Variants in SIPA1L2 observed in about 807,000 individuals in gnomAD.
The protein encoded by SIPA1L2 is signal-induced proliferation-associated 1-like protein 2.
In SIPA1L2, 56 loss-of-function variants were observed where a neutral mutation model predicts 163.9. The ratio of observed to expected loss-of-function variants is 0.34; its 90% CI spans 0.28 to 0.43. The LOEUF is 0.43. Among genes scored for constraint, SIPA1L2 ranks in the 20% least tolerant of loss-of-function variants. The probability of loss-of-function intolerance (pLI) is 1.00; values close to 1 mark genes in which losing one functional copy is unlikely to be tolerated. For synonymous variants in SIPA1L2, 877 were observed against 865.7 expected (o/e 1.01, Z -0.23); for missense variants, 1,974 against 2,193.5 (o/e 0.90, Z 2.00).
chr1:232,425,165 G>A (rs1661813254), intron 18 of SIPA1L2, among the ~76,000 whole-genome samples: 1 of 152,238 alleles, frequency 6.6e-6, no homozygotes, highest in East Asian at 1.9e-4. Flanking sequence ...CCATCTCCAG[G>A]TACTGAACTG....
chr1:232,572,285 A>G (rs1228765337), intron 2 of SIPA1L2, among the ~76,000 whole-genome samples: 1 of 152,200 alleles, frequency 6.6e-6, no homozygotes, highest in African/African-American at 2.4e-5. Context: ...AGGAACTGGG[A>G]GGGACAAGGG....
intron 2 of SIPA1L2, among the ~76,000 whole-genome samples, chr1:232,523,704 C>T (rs1488026469): frequency 6.6e-6 from 1 of 152,152 alleles, no homozygotes; most frequent in Non-Finnish European, 1.5e-5. Flanking sequence ...ATTCTGTTCT[C>T]ACTAATATTA....
At chr1:232,408,497 T>C (rs780718166) in intron 19 of SIPA1L2, among the ~76,000 whole-genome samples, 5 of 152,172 alleles carry the variant, frequency 3.3e-5, no homozygotes, top group Non-Finnish European at 5.9e-5. Flanking sequence ...AACAAAAAGA[T>C]GGATCACTTT....
At position 232,441,404 on chromosome 1, in the gene SIPA1L2, A is replaced by G. The variant is rs752039585; in HGVS notation, c.3539-10T>C. 28 of 1,595,054 alleles carry G rather than the reference A, an allele frequency of 1.8e-5. No individual in the cohort carries two copies. The highest frequency in any genetic ancestry group is 2.4e-5 in the Non-Finnish European group (28 of 1,171,806). On this transcript the variant is annotated splice_polypyrimidine_tract_variant and intron_variant, in intron 13 of 22. Coordinates refer to ENST00000674635, the MANE Select transcript of SIPA1L2 (RefSeq NM_020808.5). ...CCATGCCATTTGGTTTCTGTCACAT[A>G]AAAAGAGAGGAGTTGAATTTCCAAT... is the stretch of plus-strand genomic sequence containing the variant.
At position 232,490,933 on chromosome 1, in the gene SIPA1L2, G is replaced by A; in HGVS notation, c.1747C>T (p.Arg583Ter). The A allele has an allele frequency of 6.2e-7, 1 of 1,614,096 alleles. No homozygotes were observed. Among genetic ancestry groups the A allele is most frequent in the Non-Finnish European group, 8.5e-7 (1 of 1,180,008 alleles). ...VIPELSIQCL[R>*]QASNSPKVSE... ...ACCTTGGGTGAGTTGGAAGCCTGTC[G>A]CAAACACTGAATGCTCAGCTCTGGA... Residue 583 changes from arginine (R) to a stop codon, truncating the protein, a stop_gained, in exon 5 of 23, where the codon CGA (arginine) becomes TGA (stop). Coordinates refer to ENST00000674635, the MANE Select transcript of SIPA1L2 (RefSeq NM_020808.5). LOFTEE classifies it high-confidence loss of function.
Position 232,539,204 on chromosome 1 carries a change from T to C in SIPA1L2, c.-269-23596A>G, listed in dbSNP as rs1243075593. On this transcript the variant is annotated intron_variant, in intron 2 of 22. Transcript: ENST00000674635. The stretch of plus-strand genomic sequence containing the variant: ...AGCTCAACTCCTCTGTCTAACCTGA[T>C]GCCAGTTGAAACCCTTGGGGTAGGG... Among the ~76,000 whole-genome samples the C allele has an allele frequency of 3.9e-5, 6 of 152,222 alleles. No homozygotes were observed. In the East Asian group the frequency reaches 7.7e-4, roughly 20 times the overall value.
At chr1:232,462,069 C>T (rs1664266239) in intron 9 of SIPA1L2, 1 of 789,972 alleles carries the variant, frequency 1.3e-6, no homozygotes, top group African/African-American at 1.7e-5. Context: ...AGTGTATGTA[C>T]CTTACTCAAG....
chr1:232,620,336 C>G (rs1041824310), intron 1 of SIPA1L2, among the ~76,000 whole-genome samples: 1 of 152,160 alleles, frequency 6.6e-6, no homozygotes, highest in African/African-American at 2.4e-5. Flanking sequence ...GTAGGTGTCT[C>G]GATGTACACT....
chr1:232,546,879 G>A (rs760226915), intron 2 of SIPA1L2, among the ~76,000 whole-genome samples: 2 of 152,176 alleles, frequency 1.3e-5, no homozygotes, highest in Non-Finnish European at 1.5e-5. Flanking sequence ...CAGAAGAAAC[G>A]AATACTCAGA....
At chr1:232,468,673 G>A (rs1664646647) in intron 8 of SIPA1L2, among the ~76,000 whole-genome samples, 1 of 152,180 alleles carries the variant, frequency 6.6e-6, no homozygotes, top group Admixed American at 6.5e-5. Context: ...TTTGTCAGAA[G>A]ATGTTACATA....
intron 4 of SIPA1L2, among the ~76,000 whole-genome samples, chr1:232,491,715 A>C (rs747398995): frequency 6.6e-6 from 1 of 152,150 alleles, no homozygotes; most frequent in Non-Finnish European, 1.5e-5. Context: ...CAGAACCATA[A>C]ATCAAGAGAA....
At chr1:232,449,069 T>C (rs1663389348) in intron 10 of SIPA1L2, among the ~76,000 whole-genome samples, 2 of 151,792 alleles carry the variant, frequency 1.3e-5, no homozygotes, top group Non-Finnish European at 1.5e-5. Flanking sequence ...GACAAGCAGA[T>C]GTAAACCATC....
At chr1:232,476,658 A>G (rs1484717826) in intron 7 of SIPA1L2, among the ~76,000 whole-genome samples, 1 of 152,196 alleles carries the variant, frequency 6.6e-6, no homozygotes, top group Non-Finnish European at 1.5e-5. Context: ...AATAACTCCA[A>G]GAGCAGGGTT....
intron 16 of SIPA1L2, among the ~76,000 whole-genome samples, chr1:232,429,286 A>G (rs1374233613): frequency 2.6e-5 from 4 of 152,198 alleles, no homozygotes; most frequent in Non-Finnish European, 4.4e-5. Flanking sequence ...CTGTCAGTGG[A>G]GGCAAACAGT....
chr1:232,560,841 C>T (rs1335298187), intron 2 of SIPA1L2, among the ~76,000 whole-genome samples: 1 of 152,078 alleles, frequency 6.6e-6, no homozygotes, highest in Non-Finnish European at 1.5e-5. Context: ...TAAATAAATG[C>T]AAATTATCTA....
At chr1:232,489,980 G>A (rs1042143744) in intron 5 of SIPA1L2, among the ~76,000 whole-genome samples, 4 of 151,940 alleles carry the variant, frequency 2.6e-5, no homozygotes, top group Non-Finnish European at 5.9e-5. Context: ...TCTCCACATA[G>A]CCATCAGTCT....
intron 1 of SIPA1L2, among the ~76,000 whole-genome samples, chr1:232,593,794 A>G (rs1158909413): frequency 6.6e-6 from 1 of 152,212 alleles, no homozygotes; most frequent in African/African-American, 2.4e-5. Flanking sequence ...GCAATATTCA[A>G]AGTAGGAACA....
At chr1:232,424,881 T>G (rs1268530781) in intron 18 of SIPA1L2, among the ~76,000 whole-genome samples, 2 of 152,130 alleles carry the variant, frequency 1.3e-5, no homozygotes, top group African/African-American at 4.8e-5. Flanking sequence ...ATTTTTTCTG[T>G]ACAAAAATAA....
At chr1:232,505,008 A>G (rs1013415929) in intron 3 of SIPA1L2, among the ~76,000 whole-genome samples, 10 of 152,368 alleles carry the variant, frequency 6.6e-5, no homozygotes, top group African/African-American at 2.4e-4. Context: ...CTTAAAGATG[A>G]GACAACAAAT....
Sources: gnomAD v4.1 joint callset for allele counts (sites outside exome capture counted in the v4.1 genomes callset) on GRCh38, gnomAD v4.1.1 for gene constraint, MANE v1.5 for transcripts, NCBI Gene and HGNC (gene_info 2026-07-23, HGNC 2026-07-21) for gene names.